The following RNF216 variants were observed in gnomAD, a reference collection of about 807,000 sequenced individuals.
RNF216 encodes the protein ring finger protein 216.
Under a neutral mutation model 110.8 loss-of-function variants are expected in RNF216, and 72 were observed. The ratio of observed to expected loss-of-function variants is 0.65; its 90% confidence interval spans 0.54 to 0.79. RNF216 has a LOEUF of 0.79. Ranked by LOEUF, RNF216 falls within the 30% of genes least tolerant of loss-of-function variation. The pLI, the probability that RNF216 is intolerant of heterozygous loss-of-function variation, is 0.00. For missense variants in RNF216, 1,342 were observed against 1,141.2 expected (o/e 1.18, Z -2.54); for synonymous variants, 495 against 407.5 (o/e 1.21, Z -2.59).
rs144917695 is a variant in RNF216 at position 5,711,080 on chromosome 7, T to C, written c.2061+681A>G. ...ATATTGCAGTGTTCAACTCTAATCA[T>C]GCAATTTTAGAAAAATGGCTTAGAG... On this transcript the variant is annotated intron_variant, in intron 13 of 16. Transcript: ENST00000389902. Among the ~76,000 whole-genome samples, 541 of 152,368 alleles carry C rather than the reference T, an allele frequency of 3.6e-3. 5 individuals are homozygous for C. Among genetic ancestry groups the C allele is most frequent in the Admixed American group, 3.2e-3 (49 of 15,306 alleles).
At chr7:5,769,358 T>C (rs747005540) in intron 1 of RNF216, among the ~76,000 whole-genome samples, 7 of 151,966 alleles carry the variant, frequency 4.6e-5, no homozygotes, top group Non-Finnish European at 8.8e-5. Flanking sequence ...CCCTGTGATC[T>C]GCTGGCCTTG....
At chr7:5,632,701 C>G (rs952226452) in intron 15 of RNF216, among the ~76,000 whole-genome samples, 5 of 151,876 alleles carry the variant, frequency 3.3e-5, no homozygotes, top group South Asian at 2.1e-4. Flanking sequence ...CGCTTGAACC[C>G]GGGAGGCACA....
rs1307588629 is a variant in RNF216 at position 5,621,771 on chromosome 7, C to G, written c.*1089G>C. The G allele has an allele frequency of 6.6e-6, 1 of 152,636 alleles. No homozygotes were observed. The allele number at this position is 152,636 out of a possible 1,614,324, so 9.5% of individuals were successfully genotyped here. A position where few individuals can be genotyped will look rare whatever the true frequency, so the allele number is the denominator to read the frequency against. ...ATCTGTCAATGGGCCAGAGTGATGC[C>G]TCAGGCACCGCTAGAAACCCAGGGC... is the stretch of plus-strand genomic sequence containing the variant. On this transcript the variant is annotated 3_prime_UTR_variant, in exon 17 of 17. Coordinates refer to ENST00000389902, the MANE Select transcript of RNF216 (RefSeq NM_207111.4).
intron 1 of RNF216, among the ~76,000 whole-genome samples, chr7:5,781,239 C>A (rs1407470544): frequency 6.6e-6 from 1 of 152,134 alleles, no homozygotes; most frequent in Non-Finnish European, 1.5e-5. Context: ...CGGGCTGTTG[C>A]CCTCGCGCAG....
chr7:5,777,915 T>G (rs1219366840), intron 1 of RNF216, among the ~76,000 whole-genome samples: 1 of 152,188 alleles, frequency 6.6e-6, no homozygotes, highest in Non-Finnish European at 1.5e-5. Context: ...AAAATTAGTT[T>G]AGAAACTAGG....
intron 13 of RNF216, among the ~76,000 whole-genome samples, chr7:5,679,936 G>A (rs540962308): frequency 5.9e-5 from 9 of 152,248 alleles, no homozygotes; most frequent in Non-Finnish European, 1.0e-4. Context: ...ACACAATAGG[G>A]ACCCTGTATG....
At chr7:5,686,677 A>C (rs909516014) in intron 13 of RNF216, among the ~76,000 whole-genome samples, 5 of 152,242 alleles carry the variant, frequency 3.3e-5, no homozygotes, top group Admixed American at 2.6e-4. Context: ...ACAAGCTTTC[A>C]AAGGTAGCGC....
At chr7:5,635,189 C>T (rs920096155) in intron 15 of RNF216, among the ~76,000 whole-genome samples, 5 of 152,106 alleles carry the variant, frequency 3.3e-5, no homozygotes, top group African/African-American at 7.2e-5. Context: ...CTGCATAGCA[C>T]GCTCACATGG....
In RNF216 at chr7:5,621,938, C is replaced by T. The variant is rs1272878863; in HGVS notation, c.*922G>A. ...TGCCTTCAGCAACCACTGAGAACAC[C>T]CGGGGCACACACGGGGCAGGGGTGG... On this transcript the variant is annotated 3_prime_UTR_variant, in exon 17 of 17. Transcript: ENST00000389902. 6.6e-6 allele frequency: 1 copy of T among 152,602 alleles called. No individual in the cohort carries two copies. Among genetic ancestry groups the T allele is most frequent in the Non-Finnish European group, 1.5e-5 (1 of 68,406 alleles). The allele number at this position is 152,602 out of a possible 1,614,324, so 9.5% of individuals were successfully genotyped here.
At chr7:5,734,237 T>G (rs926941870) in intron 5 of RNF216, among the ~76,000 whole-genome samples, 13 of 152,160 alleles carry the variant, frequency 8.5e-5, no homozygotes, top group African/African-American at 3.1e-4. Context: ...AAAATTTCAT[T>G]GCTAAGTGGT....
At chr7:5,716,663 A>G in intron 10 of RNF216, 53 bp downstream of exon 10, 3 of 1,415,780 alleles carry the variant, frequency 2.1e-6, no homozygotes, top group Non-Finnish European at 2.9e-6. Flanking sequence ...ACATGGTAAG[A>G]GAAAACAGCC....
chr7:5,714,440 T>G (rs1203726484), intron 11 of RNF216, among the ~76,000 whole-genome samples: 1 of 151,418 alleles, frequency 6.6e-6, no homozygotes, highest in East Asian at 2.0e-4. Flanking sequence ...GTATTTTTAG[T>G]AGAGATGGGG....
chr7:5,692,390 A>C (rs898124510), intron 13 of RNF216, among the ~76,000 whole-genome samples: 2 of 152,248 alleles, frequency 1.3e-5, no homozygotes, highest in East Asian at 3.8e-4. Flanking sequence ...ACGCCGGGTG[A>C]ATCAGAACCC....
At chr7:5,715,736 CTTTTTTTT>C (rs58929486) in intron 10 of RNF216, among the ~76,000 whole-genome samples, 171 of 113,774 alleles carry the variant, frequency 1.5e-3, no homozygotes, top group Admixed American at 1.7e-3. Flanking sequence ...CCAACTCATT[CTTTTTTTT>C]TTTTTTTTTT....
chr7:5,691,499 G>A (rs1324300163), intron 13 of RNF216, among the ~76,000 whole-genome samples: 1 of 152,176 alleles, frequency 6.6e-6, no homozygotes, highest in East Asian at 1.9e-4. Flanking sequence ...TGGGGGTGGG[G>A]AAGGCAGTGC....
At chr7:5,703,057 G>A (rs1250510409) in intron 13 of RNF216, among the ~76,000 whole-genome samples, 1 of 152,194 alleles carries the variant, frequency 6.6e-6, no homozygotes, top group African/African-American at 2.4e-5. Context: ...GGGCTCTGAA[G>A]AAAGTGACTC....
chr7:5,648,521 C>T (rs183977908), intron 14 of RNF216, among the ~76,000 whole-genome samples: 2,857 of 151,300 alleles, frequency 0.019, 82 homozygotes, highest in African/African-American at 0.064. Flanking sequence ...GTCAGGAGAT[C>T]GAGACCATCC....
chr7:5,647,118 T>TG (rs556285163), intron 14 of RNF216, among the ~76,000 whole-genome samples: 9 of 148,920 alleles, frequency 6.0e-5, no homozygotes, highest in Non-Finnish European at 1.3e-4. Flanking sequence ...TTGTGAAAGG[T>TG]GAAAAAAAAA....
intron 1 of RNF216, among the ~76,000 whole-genome samples, chr7:5,761,785 CAA>C (rs1199654099): frequency 1.7e-4 from 15 of 87,198 alleles, no homozygotes; most frequent in Non-Finnish European, 1.7e-4. Flanking sequence ...GACTCCGTCA[CAA>C]AAAAAAAAAA....
Sources: gnomAD v4.1 joint callset for allele counts (sites outside exome capture counted in the v4.1 genomes callset) on GRCh38, gnomAD v4.1.1 for gene constraint, MANE v1.5 for transcripts, NCBI Gene and HGNC (gene_info 2026-07-23, HGNC 2026-07-21) for gene names.